The following CDC42BPA variants were observed in gnomAD, a reference collection of about 807,000 sequenced individuals.
The protein encoded by CDC42BPA is CDC42 binding protein kinase alpha, also known as serine/threonine-protein kinase MRCK alpha.
CDC42BPA carries 80 observed loss-of-function variants against 223.5 expected under a neutral mutation model. That is an observed-to-expected ratio of 0.36 (90% CI 0.30 to 0.43). CDC42BPA has a LOEUF of 0.43. Ranked by LOEUF, CDC42BPA falls within the 20% of genes least tolerant of loss-of-function variation. CDC42BPA has a pLI of 1.00. For missense variants in CDC42BPA, 1,743 were observed against 2,099.9 expected, an observed-to-expected ratio of 0.83 and a Z score of 3.32; for synonymous variants, 694 against 718.6, an observed-to-expected ratio of 0.97 and a Z score of 0.55.
intron 21 of CDC42BPA, among the ~76,000 whole-genome samples, chr1:227,056,939 G>T (rs1674700970): frequency 6.6e-6 from 1 of 152,178 alleles, no homozygotes; most frequent in Non-Finnish European, 1.5e-5. Flanking sequence ...GTTGTGACCA[G>T]TAAGGGTAAG....
At chr1:227,273,514 G>A (rs1434356961) in intron 1 of CDC42BPA, among the ~76,000 whole-genome samples, 4 of 149,262 alleles carry the variant, frequency 2.7e-5, no homozygotes, top group East Asian at 2.0e-4. Context: ...CAGCCTGGGC[G>A]ACAAGAGCGA....
At chr1:227,144,579 A>C (rs1571951715) in intron 8 of CDC42BPA, among the ~76,000 whole-genome samples, 2 of 46,260 alleles carry the variant, frequency 4.3e-5, no homozygotes, top group African/African-American at 6.7e-5. Flanking sequence ...TGTCTCAAAA[A>C]AAAAAAAAAA....
intron 2 of CDC42BPA, among the ~76,000 whole-genome samples, chr1:227,228,143 G>A (rs1028125328): frequency 1.4e-4 from 22 of 152,182 alleles, no homozygotes; most frequent in African/African-American, 5.1e-4. Context: ...CCGGGAGAGG[G>A]AGACCAGCAG....
In CDC42BPA at chr1:227,168,118, T is replaced by C. The variant is rs191272541; in HGVS notation, c.600-7482A>G. On this transcript the variant is annotated intron_variant, in intron 5 of 36. Transcript: ENST00000366766. ...TTTTGTATTTTTAGTAGAGGCAGGG[T>C]TTCACCATGTTAGTCAGGCTGGTCT... is the stretch of plus-strand genomic sequence containing the variant. Among the ~76,000 whole-genome samples, 34 of 152,150 alleles carry C rather than the reference T, an allele frequency of 2.2e-4. No individual in the cohort carries two copies. The East Asian group carries it at 6.2e-3, about 28-fold the overall frequency.
At chr1:227,081,454 CTCT>C (rs1320965471) in intron 16 of CDC42BPA, among the ~76,000 whole-genome samples, 3 of 136,078 alleles carry the variant, frequency 2.2e-5, no homozygotes, top group Non-Finnish European at 4.8e-5. Flanking sequence ...TGTTCTCTCT[CTCT>C]TTTTTTTTTT....
chr1:227,156,399 C>T (rs1283119611), intron 6 of CDC42BPA, among the ~76,000 whole-genome samples: 4 of 151,042 alleles, frequency 2.6e-5, no homozygotes, highest in Non-Finnish European at 5.9e-5. Context: ...AAGCAATTCT[C>T]CTGCCTTGGC....
At chr1:227,156,242 T>C (rs532936992) in intron 6 of CDC42BPA, among the ~76,000 whole-genome samples, 5 of 152,004 alleles carry the variant, frequency 3.3e-5, no homozygotes, top group Non-Finnish European at 7.4e-5. Context: ...CTTGACCAGG[T>C]CCCAAGCTCA....
At chr1:227,309,667 G>C (rs899917154) in intron 1 of CDC42BPA, among the ~76,000 whole-genome samples, 42 of 152,224 alleles carry the variant, frequency 2.8e-4, no homozygotes, top group Middle Eastern at 3.4e-3. Flanking sequence ...CAATAGTTTT[G>C]CAACATCTAC....
intron 34 of CDC42BPA, among the ~76,000 whole-genome samples, chr1:227,009,795 G>A (rs983712816): frequency 9.9e-5 from 15 of 151,918 alleles, no homozygotes; most frequent in Admixed American, 2.0e-4. Flanking sequence ...TTATTTTATC[G>A]TGGTTAATTT....
intron 12 of CDC42BPA, among the ~76,000 whole-genome samples, chr1:227,117,574 C>CA (rs1382477888): frequency 6.6e-6 from 1 of 152,094 alleles, no homozygotes; most frequent in African/African-American, 2.4e-5. Flanking sequence ...CTCAGCCTCT[C>CA]AAAAGTGCCA....
rs550358502 is a variant in CDC42BPA at position 227,199,145 on chromosome 1, T to C, written c.450+412A>G. Among the ~76,000 whole-genome samples the C allele has an allele frequency of 1.6e-3, 247 of 152,306 alleles. 1 individual carries two copies. The highest frequency in any genetic ancestry group is 5.5e-3 in the African/African-American group (227 of 41,570). The stretch of plus-strand genomic sequence containing the variant: ...TTAAAAATGTAAAGTTAGAATGAGA[T>C]GAGAAAGATTAATTTCAGTGGAAAA... On this transcript the variant is annotated intron_variant, in intron 4 of 36. Coordinates refer to ENST00000366766, the MANE Select transcript of CDC42BPA (RefSeq NM_001394014.1).
intron 1 of CDC42BPA, among the ~76,000 whole-genome samples, chr1:227,310,883 C>G (rs11808684): frequency 0.31 from 46,416 of 150,778 alleles, 7,306 homozygotes; most frequent in East Asian, 0.37. Flanking sequence ...AGTAGAGACG[C>G]GGTTTCACCA....
chr1:227,273,970 ATAGTTTTC>A (rs1192935664), intron 1 of CDC42BPA, among the ~76,000 whole-genome samples: 7 of 118,664 alleles, frequency 5.9e-5, no homozygotes, highest in African/African-American at 2.1e-4. Flanking sequence ...TCCTGGTTTG[ATAGTTTTC>A]AAATATTCGT....
chr1:227,154,466 T>G (rs758622089), intron 6 of CDC42BPA, among the ~76,000 whole-genome samples: 1 of 151,948 alleles, frequency 6.6e-6, no homozygotes, highest in Non-Finnish European at 1.5e-5. Flanking sequence ...ATTTATTATA[T>G]GAAAAATCTA....
At position 227,074,360 on chromosome 1, in the gene CDC42BPA, T is replaced by TAGAATGAATAGC. The variant is rs1343989091; in HGVS notation, c.2484_2485insGCTATTCATTCT (p.Val828_Ser829insAlaIleHisSer). 6.2e-7 allele frequency: 1 copy of TAGAATGAATAGC among 1,611,088 alleles called. No homozygotes were observed. The highest frequency in any genetic ancestry group is 1.1e-5 in the South Asian group (1 of 90,898). ...TACCCTCGTGCATCCTTTTCATCGC[T>TAGAATGAATAGC]GACCCTAGAATATATAAAGACAAAG... On this transcript the variant is annotated inframe_insertion, in exon 18 of 37. Transcript: ENST00000366766.
At chr1:227,206,497 G>A (rs1439055308) in intron 3 of CDC42BPA, among the ~76,000 whole-genome samples, 1 of 152,030 alleles carries the variant, frequency 6.6e-6, no homozygotes, top group Non-Finnish European at 1.5e-5. Flanking sequence ...ATAAACCTCT[G>A]AAAAAATTGT....
intron 5 of CDC42BPA, among the ~76,000 whole-genome samples, chr1:227,162,273 G>T (rs1032841131): frequency 4.0e-5 from 6 of 151,730 alleles, no homozygotes; most frequent in African/African-American, 1.5e-4. Flanking sequence ...AAATAAAATA[G>T]AAAATACTAA....
At chr1:227,316,943 TAC>T (rs1694509285) in intron 1 of CDC42BPA, 60 bp downstream of exon 1, 1 of 1,256,754 alleles carries the variant, frequency 8.0e-7, no homozygotes, top group Non-Finnish European at 1.2e-6. Context: ...TAACTCTCTA[TAC>T]CAATTAAATC....
intron 5 of CDC42BPA, among the ~76,000 whole-genome samples, chr1:227,173,296 G>A (rs575654855): frequency 1.1e-4 from 17 of 152,246 alleles, no homozygotes; most frequent in East Asian, 7.7e-4. Context: ...TAAAGACCAC[G>A]GAATTATCTG....
Sources: allele counts gnomAD v4.1 joint callset (sites outside exome capture counted in the v4.1 genomes callset), GRCh38; gene constraint gnomAD v4.1.1; transcripts MANE v1.5; gene names NCBI Gene and HGNC (gene_info 2026-07-23, HGNC 2026-07-21).